RANBP2: variants seen among roughly 807,000 people sequenced by gnomAD.
RANBP2 encodes the protein RAN binding protein 2.
RANBP2 carries 57 observed loss-of-function variants against 303.6 expected under a neutral mutation model. The ratio of observed to expected loss-of-function variants is 0.19; its 90% CI spans 0.15 to 0.23. RANBP2 has a LOEUF of 0.23. Ranked by LOEUF, RANBP2 falls within the 10% of genes least tolerant of loss-of-function variation. RANBP2 has a pLI of 1.00. For synonymous variants in RANBP2, 1,167 were observed against 1,301.5 expected, an observed-to-expected ratio of 0.90 and a Z score of 2.23; for missense variants, 3,138 against 3,780.8, an observed-to-expected ratio of 0.83 and a Z score of 4.46.
chr2:109,574,505 TCC>T, the RANBP2 span: 1 of 750,986 alleles, frequency 1.3e-6, no homozygotes, highest in Non-Finnish European at 1.9e-6. Flanking sequence ...ACAATATATA[TCC>T]ATATTGTAAA....
the RANBP2 span, chr2:109,449,029 G>A: frequency 1.2e-5 from 12 of 978,164 alleles, no homozygotes; most frequent in Admixed American, 3.1e-4. Context: ...CTGTGAAGAG[G>A]CCAGGTCTGT....
At chr2:109,417,963 G>A in the RANBP2 span, among the ~76,000 whole-genome samples, 1 of 152,160 alleles carries the variant, frequency 6.6e-6, no homozygotes, top group East Asian at 1.9e-4. Context: ...CAGTCTGGGG[G>A]CAGGGCTGGC....
At chr2:109,467,726 G>A in the RANBP2 span, among the ~76,000 whole-genome samples, 1 of 152,226 alleles carries the variant, frequency 6.6e-6, no homozygotes, top group African/African-American at 2.4e-5. Context: ...GAGGATGAGC[G>A]TTTGAAGCAG....
At chr2:108,795,504 A>G in the RANBP2 span, among the ~76,000 whole-genome samples, 1 of 152,198 alleles carries the variant, frequency 6.6e-6, no homozygotes. Context: ...GTAGAGAAGG[A>G]AGCAGAAGTG....
At chr2:109,479,082 T>G in the RANBP2 span, among the ~76,000 whole-genome samples, 1 of 152,194 alleles carries the variant, frequency 6.6e-6, no homozygotes, top group Non-Finnish European at 1.5e-5. Context: ...TTGGCCGGGC[T>G]GCAGGTCAGA....
chr2:109,430,095 G>C, the RANBP2 span, among the ~76,000 whole-genome samples: 3 of 152,152 alleles, frequency 2.0e-5, no homozygotes, highest in African/African-American at 7.2e-5. Flanking sequence ...AGCCTGCCTT[G>C]GCAGCTGATG....
the RANBP2 span, among the ~76,000 whole-genome samples, chr2:109,038,703 G>T: frequency 6.6e-6 from 1 of 152,226 alleles, no homozygotes; most frequent in Admixed American, 6.5e-5. Context: ...TTTCTTTTGG[G>T]AAAATACTAA....
chr2:109,344,282 T>C, the RANBP2 span, among the ~76,000 whole-genome samples: 2 of 152,144 alleles, frequency 1.3e-5, no homozygotes, highest in African/African-American at 4.8e-5. Flanking sequence ...GAGTGGCTGA[T>C]GGGTGCTGAT....
At chr2:109,739,600 T>C in the RANBP2 span, among the ~76,000 whole-genome samples, 1 of 152,206 alleles carries the variant, frequency 6.6e-6, no homozygotes, top group South Asian at 2.1e-4. Flanking sequence ...CTGGATTTGT[T>C]TGTCAGTTCT....
the RANBP2 span, chr2:108,907,966 C>G: frequency 2.1e-5 from 34 of 1,613,358 alleles, no homozygotes; most frequent in Non-Finnish European, 2.9e-5. Flanking sequence ...CTCCTCATCA[C>G]TGTCGACGCT....
the RANBP2 span, among the ~76,000 whole-genome samples, chr2:108,893,970 T>C: frequency 6.6e-6 from 1 of 151,966 alleles, no homozygotes; most frequent in African/African-American, 2.4e-5. Flanking sequence ...ATTTTCTTTC[T>C]TTTAGAGAGC....
the RANBP2 span, among the ~76,000 whole-genome samples, chr2:109,386,519 C>G: frequency 1.3e-5 from 2 of 152,328 alleles, no homozygotes. Flanking sequence ...TTTACAAAAA[C>G]CAGCGTTAGC....
chr2:109,090,355 C>G, the RANBP2 span, among the ~76,000 whole-genome samples: 1 of 146,430 alleles, frequency 6.8e-6, no homozygotes, highest in African/African-American at 2.5e-5. Flanking sequence ...CACACACACA[C>G]ACACCACGTC....
chr2:109,733,167 A>C, the RANBP2 span: 8 of 415,542 alleles, frequency 1.9e-5, no homozygotes, highest in Non-Finnish European at 3.9e-5. Context: ...TTCGTAGCCC[A>C]TCTAGGTCAA....
the RANBP2 span, among the ~76,000 whole-genome samples, chr2:109,017,270 A>G: frequency 2.6e-4 from 40 of 152,222 alleles, no homozygotes; most frequent in African/African-American, 9.6e-4. Context: ...TGCCATGAAT[A>G]TGTCACAACT....
the RANBP2 span, among the ~76,000 whole-genome samples, chr2:109,163,753 G>T: frequency 6.6e-6 from 1 of 152,232 alleles, no homozygotes; most frequent in South Asian, 2.1e-4. Flanking sequence ...AACTGGAATC[G>T]CCATCCTGTG....
At chr2:109,036,898 C>T in the RANBP2 span, among the ~76,000 whole-genome samples, 1 of 152,140 alleles carries the variant, frequency 6.6e-6, no homozygotes, top group Non-Finnish European at 1.5e-5. Context: ...AATCCCAACA[C>T]TTTGGGAGGT....
the RANBP2 span, among the ~76,000 whole-genome samples, chr2:109,731,992 G>A: frequency 6.6e-6 from 1 of 151,884 alleles, no homozygotes; most frequent in South Asian, 2.1e-4. Context: ...GGGACTACAG[G>A]CTCACACCAC....
the RANBP2 span, among the ~76,000 whole-genome samples, chr2:109,153,726 G>A: frequency 9.8e-5 from 15 of 152,326 alleles, no homozygotes; most frequent in Middle Eastern, 6.8e-3. Context: ...TCTGCTGTGC[G>A]TTTTGTGCTG....
Sources: allele counts gnomAD v4.1 joint callset (sites outside exome capture counted in the v4.1 genomes callset), GRCh38; gene constraint gnomAD v4.1.1; transcripts MANE v1.5; gene names NCBI Gene and HGNC (gene_info 2026-07-23, HGNC 2026-07-21).